KIF1B: variants seen among roughly 807,000 people sequenced by gnomAD.
KIF1B encodes kinesin-like protein KIF1B.
In KIF1B, 76 loss-of-function variants were observed where a neutral mutation model predicts 241.9. The observed-to-expected ratio is 0.31, with a 90% CI of 0.26 to 0.38. The LOEUF (loss-of-function observed/expected upper bound fraction) is 0.38. KIF1B is among the 10% of genes least tolerant of loss of function. The pLI is 1.00. For synonymous variants in KIF1B, 750 were observed against 796.7 expected (o/e 0.94, Z 0.99); for missense variants, 1,622 against 2,271.4 (o/e 0.71, Z 5.81).
intron 2 of KIF1B, among the ~76,000 whole-genome samples, chr1:10,233,383 G>T (rs1243079010): frequency 6.6e-6 from 1 of 151,996 alleles, no homozygotes; most frequent in East Asian, 1.9e-4. Context: ...TGGGAGGCTA[G>T]GGCAGGAGGA....
At chr1:10,229,027 G>T (rs374184323) in intron 1 of KIF1B, among the ~76,000 whole-genome samples, 2 of 152,094 alleles carry the variant, frequency 1.3e-5, no homozygotes, top group African/African-American at 2.4e-5. Flanking sequence ...TAAGATGATG[G>T]CTGTATTTCA....
rs373470177 is a variant in KIF1B, at chr1:10,343,292, G to A, written c.3688+5G>A. The A allele has an allele frequency of 1.2e-6, 2 of 1,613,896 alleles. No homozygotes were observed. Among genetic ancestry groups the A allele is most frequent in the Non-Finnish European group, 1.7e-6 (2 of 1,179,904 alleles). ...CCATGCCACTGTCCAAGCCAGGTGA[G>A]CACTCGCTCCGCTTTTTGCATGATG... is the stretch of plus-strand genomic sequence containing the variant. On this transcript the variant is annotated splice_donor_5th_base_variant and intron_variant, in intron 34 of 48. Transcript: ENST00000676179.
At chr1:10,311,812 C>T (rs1236883485) in intron 22 of KIF1B, among the ~76,000 whole-genome samples, 2 of 151,354 alleles carry the variant, frequency 1.3e-5, no homozygotes, top group African/African-American at 4.9e-5. Flanking sequence ...CTCTGTTCCC[C>T]CTTCCATTTT....
chr1:10,318,450 G>A (rs549113385), intron 22 of KIF1B, among the ~76,000 whole-genome samples: 1 of 151,612 alleles, frequency 6.6e-6, no homozygotes, highest in East Asian at 1.9e-4. Flanking sequence ...GGCTGGGTGC[G>A]GTGGCTCACG....
At chr1:10,282,242 T>C (rs1040446398) in intron 14 of KIF1B, 80 bp from the exon 15 acceptor site, 89 of 1,130,650 alleles carry the variant, frequency 7.9e-5, no homozygotes, top group Non-Finnish European at 1.1e-4. Flanking sequence ...TACAACGATA[T>C]TCCTTCCTGT....
In KIF1B at chr1:10,365,297, A is replaced by T. The variant is rs746925402; in HGVS notation, c.4512+52A>T. Reference sequence around the variant, plus strand: ...GCAAGAACTCTCGGACAAGATTGCCAAAGTATCAGTCTTCCTCCCCGCTGC... The same window carrying T: ...GCAAGAACTCTCGGACAAGATTGCCTAAGTATCAGTCTTCCTCCCCGCTGC... On this transcript the variant is annotated intron_variant, in intron 42 of 48. Coordinates refer to ENST00000676179, the MANE Select transcript of KIF1B (RefSeq NM_001365951.3). The surrounding 1 kb of genome is among the most constrained non-coding windows in gnomAD (Gnocchi z 4.0). 1.3e-5 allele frequency: 21 copies of T among 1,613,350 alleles called. No homozygotes were observed. In the South Asian group the frequency reaches 2.1e-4, roughly 16 times the overall value.
chr1:10,305,242 C>T lies in KIF1B; in HGVS notation c.2115+7996C>T, dbSNP rs1400753737. ...ACATAGCTTTGCATCTTCCACACAA[C>T]TTCCACGTCTTCTTTTATTCTGTAT... On this transcript the variant is annotated intron_variant, in intron 22 of 48. Coordinates refer to ENST00000676179, the MANE Select transcript of KIF1B (RefSeq NM_001365951.3). 5.8e-6 allele frequency: 6 copies of T among 1,042,714 alleles called. No individual in the cohort carries two copies. The African/African-American group carries it at 8.4e-5, about 15-fold the overall frequency. 64.6% of individuals were successfully genotyped at this position (1,042,714 alleles called of 1,614,324 possible).
intron 1 of KIF1B, 138 bp from the exon 2 acceptor site, chr1:10,232,112 T>G: frequency 2.0e-6 from 1 of 511,174 alleles, no homozygotes; most frequent in Non-Finnish European, 3.5e-6. Flanking sequence ...ACAAAAGATT[T>G]GCACGGGAGA....
At position 10,296,933 on chromosome 1, in the gene KIF1B, G is replaced by A. The variant is rs1650295604; in HGVS notation, c.1898G>A (p.Arg633His). The change falls in exon 21 of 49, where the codon CGC becomes CAC. Residue 633 changes from arginine to histidine, a missense_variant. This residue lies in a region of KIF1B where 803 missense variants were observed against 1,112.0 expected (regional missense o/e 0.72). Coordinates refer to ENST00000676179, the MANE Select transcript of KIF1B (RefSeq NM_001365951.3). ...ATCATGGGTAAAAACCATGTTTTCC[G>A]CTTTAACCACCCGGAACAAGCACGA... Reference protein sequence around the residue: ...RIIMGKNHVFRFNHPEQARAE... With the variant: ...RIIMGKNHVFHFNHPEQARAE... The A allele has an allele frequency of 1.2e-6, 2 of 1,613,934 alleles. No homozygotes were observed. Among genetic ancestry groups the A allele is most frequent in the Non-Finnish European group, 1.7e-6 (2 of 1,179,972 alleles).
intron 1 of KIF1B, among the ~76,000 whole-genome samples, chr1:10,225,021 C>T (rs1646892622): frequency 6.6e-6 from 1 of 152,190 alleles, no homozygotes; most frequent in African/African-American, 2.4e-5. Context: ...GTAATGTTTG[C>T]ACTTCTATGA....
At position 10,326,466 on chromosome 1, in the gene KIF1B, G is replaced by A. The variant is rs1651728457; in HGVS notation, c.2924+107G>A. The A allele has an allele frequency of 1.4e-6, 2 of 1,399,214 alleles. No homozygotes were observed. Among genetic ancestry groups the A allele is most frequent in the Non-Finnish European group, 2.0e-6 (2 of 994,930 alleles). The allele number at this position is 1,399,214 out of a possible 1,614,324, so 86.7% of individuals were successfully genotyped here. On this transcript the variant is annotated intron_variant, in intron 27 of 48. Transcript: ENST00000676179. This position sits in a 1 kb window ranked among gnomAD's most constrained non-coding sequence, Gnocchi z 5.2. ...CCTTGCATTAGCCAATTCAACTCAT[G>A]AATGCTCTTTTTCAAGTTCTCCAAT...
chr1:10,264,957 G>A (rs183480022), intron 5 of KIF1B, among the ~76,000 whole-genome samples: 1,633 of 151,982 alleles, frequency 0.011, 34 homozygotes, highest in Non-Finnish European at 0.01. Flanking sequence ...CACTGCGCCC[G>A]GCCTTTTTTT....
At chr1:10,313,032 T>C (rs980662496) in intron 22 of KIF1B, among the ~76,000 whole-genome samples, 1 of 151,522 alleles carries the variant, frequency 6.6e-6, no homozygotes, top group Non-Finnish European at 1.5e-5. Context: ...TGAGGCTAAC[T>C]ATATAGTACC....
At position 10,229,921 on chromosome 1, in the gene KIF1B, G is replaced by C. The variant is rs114164793; in HGVS notation, c.-79-2329G>C. 6.6e-3 allele frequency among the ~76,000 whole-genome samples: 1,002 copies of C among 150,698 alleles called. 12 individuals are homozygous for C. Among genetic ancestry groups the C allele is most frequent in the Middle Eastern group, 0.038 (11 of 286 alleles). On this transcript the variant is annotated intron_variant, in intron 1 of 48. Transcript: ENST00000676179. Reference sequence around the variant, plus strand: ...GAAAAGAAAATTAGGGGCCAGACGTGGTGGCTCACACCTATAATCCCAGCA... The same window carrying C: ...GAAAAGAAAATTAGGGGCCAGACGTCGTGGCTCACACCTATAATCCCAGCA...
rs779257905 is a variant in KIF1B, at chr1:10,282,453, G to A, written c.1354G>A (p.Val452Met). The A allele has an allele frequency of 2.2e-5, 35 of 1,614,054 alleles. No individual in the cohort carries two copies. Among genetic ancestry groups the A allele is most frequent in the African/African-American group, 5.3e-5 (4 of 74,930 alleles). Residue 452 changes from valine (V) to methionine (M), a missense_variant, in exon 15 of 49, where the codon GTG (valine) becomes ATG (methionine). By Grantham distance (21) the Val-to-Met change is conservative. Around this residue, in one of 7 missense-constraint regions of KIF1B, gnomAD observed 201 missense variants for 301.2 expected, o/e 0.67. Coordinates refer to ENST00000676179, the MANE Select transcript of KIF1B (RefSeq NM_001365951.3). The stretch of plus-strand genomic sequence containing the variant: ...ATCTTCCTGCTCACTCAGTAGTCAG[G>A]TGGGCTTGACGTCTGTGACCAGTAT... ...SPSSCSLSSQ[V>M]GLTSVTSIQE...
At chr1:10,306,221 G>A in intron 22 of KIF1B, 1 of 1,040,922 alleles carries the variant, frequency 9.6e-7, no homozygotes, top group South Asian at 4.6e-5. Context: ...AACAGTTGAA[G>A]TCTTCAACTG....
intron 2 of KIF1B, among the ~76,000 whole-genome samples, chr1:10,251,557 A>G (rs561748754): frequency 1.1e-3 from 165 of 152,132 alleles, no homozygotes; most frequent in African/African-American, 3.9e-3. Flanking sequence ...CAACATGGTG[A>G]AACCCTGTCT....
rs536575944 is a variant in KIF1B, at chr1:10,304,791, C to G, written c.2115+7545C>G. ...GGTTTTATATTGTTAAGACAAAACA[C>G]TGGTAAAAGTTTCAACACCTCCCTT... is the stretch of plus-strand genomic sequence containing the variant. On this transcript the variant is annotated intron_variant, in intron 22 of 48. Coordinates refer to ENST00000676179, the MANE Select transcript of KIF1B (RefSeq NM_001365951.3). 9.7e-5 allele frequency: 146 copies of G among 1,507,262 alleles called. No homozygotes were observed. The South Asian group carries it at 1.6e-3, about 16-fold the overall frequency. 93.4% of individuals were successfully genotyped at this position (1,507,262 alleles called of 1,614,324 possible).
chr1:10,301,201 A>G (rs1245989715), intron 22 of KIF1B, among the ~76,000 whole-genome samples: 1 of 152,202 alleles, frequency 6.6e-6, no homozygotes, highest in Non-Finnish European at 1.5e-5. Flanking sequence ...TCTAGGAGGC[A>G]AGGTACTATT....
Sources: allele counts gnomAD v4.1 joint callset (sites outside exome capture counted in the v4.1 genomes callset), GRCh38; gene constraint gnomAD v4.1.1; regional missense constraint gnomAD v4.1.1; non-coding constraint Gnocchi (gnomAD v3.1); transcripts MANE v1.5; gene names NCBI Gene and HGNC (gene_info 2026-07-23, HGNC 2026-07-21).